Variants in BICC1 observed in about 807,000 individuals in gnomAD.
The protein encoded by BICC1 is BicC family RNA binding protein 1.
BICC1 carries 43 observed loss-of-function variants against 111.0 expected under a neutral mutation model. That is an observed-to-expected ratio of 0.39 (90% CI 0.30 to 0.50). The LOEUF (loss-of-function observed/expected upper bound fraction) is 0.50, where lower values mean the gene tolerates loss of function less well. BICC1 is among the 20% of genes least tolerant of loss of function. The pLI is 0.88. For synonymous variants in BICC1, 467 were observed against 434.4 expected (o/e 1.07, Z -0.93); for missense variants, 1,091 against 1,203.2 (o/e 0.91, Z 1.38).
At chr10:58,788,464 A>T in intron 6 of BICC1, 41 bp downstream of exon 6, 1 of 1,355,106 alleles carries the variant, frequency 7.4e-7, no homozygotes, top group Non-Finnish European at 1.1e-6. Context: ...TGATGTCAGC[A>T]ACATTTGCAT....
chr10:58,604,082 T>G (rs1229767700), intron 1 of BICC1, among the ~76,000 whole-genome samples: 2 of 152,194 alleles, frequency 1.3e-5, no homozygotes, highest in Admixed American at 6.5e-5. Flanking sequence ...TCTTTGCTTC[T>G]GCTTTCTGAC....
chr10:58,643,694 A>G lies in BICC1; in HGVS notation c.237+22793A>G, dbSNP rs77033960. Among the ~76,000 whole-genome samples the G allele has an allele frequency of 6.9e-3, 1,058 of 152,364 alleles. 12 individuals are homozygous for G. Among genetic ancestry groups the G allele is most frequent in the African/African-American group, 0.021 (881 of 41,594 alleles). ...GGAAAATAATTTGAGAGGAGGAACA[A>G]TAAGATTTGTACACAACACACACCA... On this transcript the variant is annotated intron_variant, in intron 2 of 20. Coordinates refer to ENST00000373886, the MANE Select transcript of BICC1 (RefSeq NM_001080512.3).
intron 1 of BICC1, 110 bp downstream of exon 1, chr10:58,513,443 T>G (rs1842152374): frequency 9.3e-7 from 1 of 1,073,056 alleles, no homozygotes; most frequent in African/African-American, 1.7e-5. Context: ...CCGGCCGGTT[T>G]AGCTCCAGGC....
At chr10:58,584,462 G>C (rs1221983693) in intron 1 of BICC1, among the ~76,000 whole-genome samples, 1 of 152,148 alleles carries the variant, frequency 6.6e-6, no homozygotes, top group Non-Finnish European at 1.5e-5. Flanking sequence ...GCGCTCCTCT[G>C]ACTGCTCTGT....
At chr10:58,592,219 G>A (rs573201862) in intron 1 of BICC1, among the ~76,000 whole-genome samples, 2 of 152,216 alleles carry the variant, frequency 1.3e-5, no homozygotes, top group South Asian at 2.1e-4. Flanking sequence ...TCCCTGTATA[G>A]CCGAGTATTA....
At chr10:58,703,332 G>A (rs1218252298) in intron 3 of BICC1, among the ~76,000 whole-genome samples, 2 of 151,416 alleles carry the variant, frequency 1.3e-5, no homozygotes, top group Admixed American at 6.6e-5. Context: ...GGTAATGTTT[G>A]CATTTTTTGT....
In BICC1 at chr10:58,793,345, C is replaced by A. The variant is rs142942715; in HGVS notation, c.1048-139C>A. 8.8e-5 allele frequency: 74 copies of A among 839,180 alleles called. No homozygotes were observed. In the East Asian group the frequency reaches 1.4e-3, roughly 16 times the overall value. The allele number at this position is 839,180 out of a possible 1,614,324, so 52.0% of individuals were successfully genotyped here. ...ACACCTGTCCTCTAAGCTATGTGAA[C>A]TTATATAATTCAGCTTTAATACTTC... On this transcript the variant is annotated intron_variant, in intron 8 of 20. Transcript: ENST00000373886.
chr10:58,664,422 T>C (rs1411179674), intron 2 of BICC1, among the ~76,000 whole-genome samples: 3 of 152,060 alleles, frequency 2.0e-5, no homozygotes, highest in Non-Finnish European at 4.4e-5. Flanking sequence ...GTTCTGGATA[T>C]AGGTTCTTCA....
At chr10:58,599,944 G>GTA (rs1005481278) in intron 1 of BICC1, among the ~76,000 whole-genome samples, 1 of 151,876 alleles carries the variant, frequency 6.6e-6, no homozygotes, top group Non-Finnish European at 1.5e-5. Flanking sequence ...GTGTGTGTGT[G>GTA]TGTGTGTGTG....
chr10:58,729,959 C>G (rs2132552891), intron 3 of BICC1, among the ~76,000 whole-genome samples: 1 of 152,256 alleles, frequency 6.6e-6, no homozygotes, highest in African/African-American at 2.4e-5. Context: ...CCCCTGACCC[C>G]ACAGATCTCA....
intron 3 of BICC1, among the ~76,000 whole-genome samples, chr10:58,748,748 T>C (rs1485686354): frequency 6.6e-6 from 1 of 152,106 alleles, no homozygotes; most frequent in Non-Finnish European, 1.5e-5. Context: ...TCAGAATCAC[T>C]TGGAGAGTTT....
At chr10:58,671,998 T>C (rs903305817) in intron 2 of BICC1, among the ~76,000 whole-genome samples, 1 of 152,188 alleles carries the variant, frequency 6.6e-6, no homozygotes, top group Non-Finnish European at 1.5e-5. Flanking sequence ...TGGAAGCTCG[T>C]TCCCTGTCAT....
At chr10:58,749,050 A>T (rs557499081) in intron 3 of BICC1, among the ~76,000 whole-genome samples, 1 of 152,300 alleles carries the variant, frequency 6.6e-6, no homozygotes. Flanking sequence ...TTTCAAAGAC[A>T]TAAGAGTTTT....
chr10:58,788,220 C>T (rs1222347862), intron 5 of BICC1, 150 bp from the exon 6 acceptor site: 1 of 577,792 alleles, frequency 1.7e-6, no homozygotes, highest in African/African-American at 1.9e-5. Flanking sequence ...GGATGGGGGC[C>T]TGAGATCCTT....
At chr10:58,579,561 C>T (rs1446634775) in intron 1 of BICC1, among the ~76,000 whole-genome samples, 5 of 152,178 alleles carry the variant, frequency 3.3e-5, no homozygotes, top group Non-Finnish European at 7.3e-5. Flanking sequence ...TTTTACAATC[C>T]ATCCCCTGGC....
chr10:58,616,916 C>G (rs1246815139), intron 1 of BICC1, among the ~76,000 whole-genome samples: 1 of 152,200 alleles, frequency 6.6e-6, no homozygotes, highest in Non-Finnish European at 1.5e-5. Context: ...GACAATGCTC[C>G]CCTTGCCTAG....
At chr10:58,820,862 C>T (rs1430763976) in intron 20 of BICC1, among the ~76,000 whole-genome samples, 1 of 152,176 alleles carries the variant, frequency 6.6e-6, no homozygotes, top group East Asian at 1.9e-4. Context: ...CCTTGCACAC[C>T]GACTGAGTTC....
At position 58,532,060 on chromosome 10, in the gene BICC1, T is replaced by C. The variant is rs148247313; in HGVS notation, c.190+18727T>C. On this transcript the variant is annotated intron_variant, in intron 1 of 20. Coordinates refer to ENST00000373886, the MANE Select transcript of BICC1 (RefSeq NM_001080512.3). The stretch of plus-strand genomic sequence containing the variant: ...CCAAATGTGAAAAAGGAAATAGATA[T>C]CCAAATATAAGAAGCTCAAAGGACT... Among the ~76,000 whole-genome samples, 522 of 151,724 alleles carry C rather than the reference T, an allele frequency of 3.4e-3. 1 individual carries two copies. Among genetic ancestry groups the C allele is most frequent in the Middle Eastern group, 0.01 (3 of 294 alleles).
Position 58,817,721 on chromosome 10 carries a change from A to T in BICC1, c.2693A>T (p.Glu898Val). Residue 898 changes from glutamate (E) to valine (V), a missense_variant and splice_region_variant, in exon 19 of 21, where the codon GAG becomes GTG. Physicochemically the swap from Glu to Val is moderately radical, Grantham distance 121 (BLOSUM62 -2). Around this residue, in one of 3 missense-constraint regions of BICC1, gnomAD observed 231 missense variants for 256.2 expected, o/e 0.90. Coordinates refer to ENST00000373886, the MANE Select transcript of BICC1 (RefSeq NM_001080512.3). ...TACACAGATGTTTTCCAGCAACAAGAGGTCAGTCATTATTTATTTTCCCAA... is the reference window on the plus strand; with the variant it reads ...TACACAGATGTTTTCCAGCAACAAGTGGTCAGTCATTATTTATTTTCCCAA... The part of the protein sequence containing the change: ...GKYTDVFQQQ[E>V]IDLQTFLTLT... The T allele has an allele frequency of 6.2e-7, 1 of 1,601,646 alleles. No homozygotes were observed. Among genetic ancestry groups the T allele is most frequent in the Non-Finnish European group, 8.5e-7 (1 of 1,174,100 alleles).
Sources: allele counts gnomAD v4.1 joint callset (sites outside exome capture counted in the v4.1 genomes callset), GRCh38; gene constraint gnomAD v4.1.1; regional missense constraint gnomAD v4.1.1; transcripts MANE v1.5; gene names NCBI Gene and HGNC (gene_info 2026-07-23, HGNC 2026-07-21).